TACC2: variants seen among roughly 807,000 people sequenced by gnomAD.
TACC2 encodes the protein transforming acidic coiled-coil-containing protein 2.
In TACC2, 137 loss-of-function variants were observed where a neutral mutation model predicts 227.3. That is an observed-to-expected ratio of 0.60 (90% CI 0.52 to 0.69). The LOEUF is 0.69. TACC2 is among the 30% of genes least tolerant of loss of function. The probability of loss-of-function intolerance (pLI) is 0.00; values close to 1 mark genes in which losing one functional copy is unlikely to be tolerated. For missense variants in TACC2, 3,470 were observed against 3,694.4 expected (o/e 0.94, Z 1.57); for synonymous variants, 1,523 against 1,487.5 (o/e 1.02, Z -0.55).
intron 5 of TACC2, among the ~76,000 whole-genome samples, chr10:122,098,168 G>A (rs2081692064): frequency 6.6e-6 from 1 of 152,178 alleles, no homozygotes; most frequent in African/African-American, 2.4e-5. Flanking sequence ...TATGTACCCT[G>A]TAGGATCAGG....
At chr10:122,046,574 A>G (rs1180747343) in intron 2 of TACC2, among the ~76,000 whole-genome samples, 1 of 152,140 alleles carries the variant, frequency 6.6e-6, no homozygotes, top group Non-Finnish European at 1.5e-5. Context: ...TTTTTCTTCA[A>G]AGACAAATCC....
intron 16 of TACC2, among the ~76,000 whole-genome samples, chr10:122,232,877 G>A (rs2095786412): frequency 6.6e-6 from 1 of 152,186 alleles, no homozygotes; most frequent in Non-Finnish European, 1.5e-5. Flanking sequence ...TCAGCGGTAG[G>A]TGACACAGCT....
At chr10:122,139,649 C>T (rs557262029) in intron 6 of TACC2, among the ~76,000 whole-genome samples, 26 of 152,342 alleles carry the variant, frequency 1.7e-4, no homozygotes, top group African/African-American at 6.3e-4. Context: ...TTCAGCATGA[C>T]CTGAGTCTTC....
chr10:122,229,564 T>G, intron 15 of TACC2, 78 bp downstream of exon 15: 1 of 1,537,768 alleles, frequency 6.5e-7, no homozygotes, highest in Non-Finnish European at 8.9e-7. Context: ...CCAAATGAAA[T>G]AAGGCAGGAT....
chr10:122,020,459 T>C (rs1419462668), intron 1 of TACC2, among the ~76,000 whole-genome samples: 2 of 152,166 alleles, frequency 1.3e-5, no homozygotes, highest in Non-Finnish European at 2.9e-5. Context: ...GGCATTTTAA[T>C]TGGGCCTGTT....
chr10:122,123,591 G>T (rs1007415494), intron 5 of TACC2, among the ~76,000 whole-genome samples: 22 of 152,112 alleles, frequency 1.4e-4, no homozygotes, highest in African/African-American at 5.3e-4. Context: ...CTTCTAACTG[G>T]TCAGTTCGGT....
intron 7 of TACC2, among the ~76,000 whole-genome samples, chr10:122,176,210 G>A (rs1393606331): frequency 6.6e-6 from 1 of 151,124 alleles, no homozygotes; most frequent in Admixed American, 6.6e-5. Flanking sequence ...GGTGGCTGCA[G>A]ATGAAGATTG....
At chr10:122,057,907 A>G (rs1298936216) in intron 3 of TACC2, among the ~76,000 whole-genome samples, 2 of 152,192 alleles carry the variant, frequency 1.3e-5, no homozygotes, top group Non-Finnish European at 2.9e-5. Flanking sequence ...CTCCCTCGCT[A>G]GATGATGTTA....
At chr10:122,227,416 GT>G (rs145127050) in intron 13 of TACC2, among the ~76,000 whole-genome samples, 117 of 152,284 alleles carry the variant, frequency 7.7e-4, no homozygotes, top group African/African-American at 2.3e-3. Context: ...AATGATGATG[GT>G]GGTTATGTTG....
At chr10:122,238,913 T>G (rs1011012910) in intron 18 of TACC2, among the ~76,000 whole-genome samples, 5 of 152,252 alleles carry the variant, frequency 3.3e-5, no homozygotes, top group African/African-American at 1.2e-4. Context: ...GACTGTAGCT[T>G]AAATGATTTA....
At chr10:122,042,632 A>G (rs1035606637) in intron 2 of TACC2, among the ~76,000 whole-genome samples, 17 of 152,212 alleles carry the variant, frequency 1.1e-4, no homozygotes, top group Admixed American at 9.8e-4. Flanking sequence ...TTCTTTATAC[A>G]GTAACAACCA....
chr10:122,086,263 G>C lies in TACC2; in HGVS notation c.3763G>C (p.Ala1255Pro), dbSNP rs765543263. Reference sequence around the variant, plus strand: ...AGGAGCAGAAGACAGTGGAGTGAAAGCTGTTTCCTCTGCAGACCCCAGAGC... The same window carrying C: ...AGGAGCAGAAGACAGTGGAGTGAAACCTGTTTCCTCTGCAGACCCCAGAGC... Reference protein sequence around the residue: ...QRGAEDSGVKAVSSADPRAPG... With the variant: ...QRGAEDSGVKPVSSADPRAPG... Residue 1255 changes from alanine to proline, a missense_variant, in exon 4 of 23, where the codon GCT becomes CCT. By Grantham distance (27) the Ala-to-Pro change is conservative. Around this residue, in one of 10 missense-constraint regions of TACC2, gnomAD observed 1,924 missense variants for 1,978.3 expected, o/e 0.97. Transcript: ENST00000369005. 8.8e-5 allele frequency: 142 copies of C among 1,613,898 alleles called. 1 individual carries two copies. The highest frequency in any genetic ancestry group is 7.1e-5 in the Non-Finnish European group (84 of 1,180,048).
chr10:122,111,251 C>A (rs919694210), intron 5 of TACC2, among the ~76,000 whole-genome samples: 1 of 152,198 alleles, frequency 6.6e-6, no homozygotes, highest in Admixed American at 6.5e-5. Flanking sequence ...GAAGATGTGG[C>A]CATCTTGCCG....
At chr10:122,030,595 C>T (rs899366869) in intron 2 of TACC2, among the ~76,000 whole-genome samples, 11 of 152,070 alleles carry the variant, frequency 7.2e-5, no homozygotes, top group African/African-American at 2.2e-4. Flanking sequence ...GCTCCTGACT[C>T]CATCTCCCCT....
intron 3 of TACC2, among the ~76,000 whole-genome samples, chr10:122,078,819 G>A (rs1256819838): frequency 6.6e-6 from 1 of 152,232 alleles, no homozygotes; most frequent in Admixed American, 6.5e-5. Flanking sequence ...AGAGATTGCT[G>A]GTACCCAGCT....
rs761467777 is a variant in TACC2 at position 122,083,136 on chromosome 10, G to T, written c.636G>T (p.Pro212=). 26 of 1,613,054 alleles carry T rather than the reference G, an allele frequency of 1.6e-5. No homozygotes were observed. The highest frequency in any genetic ancestry group is 2.2e-5 in the Non-Finnish European group (26 of 1,180,042). Reference sequence around the variant, plus strand: ...CCCTCAGAGAGCCAATGAAGGCACCGCTGTGTGGAGAGGGGGACCAGCCTG... The same window carrying T: ...CCCTCAGAGAGCCAATGAAGGCACCTCTGTGTGGAGAGGGGGACCAGCCTG... ...PVPLREPMKA[P]LCGEGDQPGG... The change falls in exon 4 of 23, where the codon CCG becomes CCT. Residue 212 remains proline (P), a synonymous_variant. Transcript: ENST00000369005.
At chr10:122,184,974 T>G (rs4752665) in intron 7 of TACC2, among the ~76,000 whole-genome samples, 136,405 of 150,526 alleles carry the variant, frequency 0.91, 61,850 homozygotes, top group Admixed American at 0.94. Context: ...TGCTCTTTGA[T>G]TTCTTGCATC....
At chr10:122,231,333 C>G (rs1470620833) in intron 16 of TACC2, among the ~76,000 whole-genome samples, 6 of 152,144 alleles carry the variant, frequency 3.9e-5, no homozygotes, top group Admixed American at 3.9e-4. Context: ...CCCGATGAAC[C>G]TGGTGTGTCA....
In TACC2 at chr10:122,210,746, C is replaced by A. The variant is rs766292512; in HGVS notation, c.6321C>A (p.Ala2107=). 2 of 1,613,858 alleles carry A rather than the reference C, an allele frequency of 1.2e-6. No homozygotes were observed. The highest frequency in any genetic ancestry group is 1.7e-6 in the Non-Finnish European group (2 of 1,180,042). The change falls in exon 9 of 23, where the codon GCC becomes GCA. Residue 2107 remains alanine, a synonymous_variant. Coordinates refer to ENST00000369005, the MANE Select transcript of TACC2 (RefSeq NM_206862.4). This position sits in a 1 kb window ranked among gnomAD's most constrained non-coding sequence, Gnocchi z 4.6. ...CCTCAGGCAATCCCGAGGCCGTGGCCCTTGCCCCAGATGCATATAGCACGG... is the reference window on the plus strand; with the variant it reads ...CCTCAGGCAATCCCGAGGCCGTGGCACTTGCCCCAGATGCATATAGCACGG... The part of the protein sequence containing the change: ...ASSSGNPEAV[A]LAPDAYSTGS...
Sources: allele counts gnomAD v4.1 joint callset (sites outside exome capture counted in the v4.1 genomes callset), GRCh38; gene constraint gnomAD v4.1.1; regional missense constraint gnomAD v4.1.1; non-coding constraint Gnocchi (gnomAD v3.1); transcripts MANE v1.5; gene names NCBI Gene and HGNC (gene_info 2026-07-23, HGNC 2026-07-21).